ERGIC3: variants seen among roughly 807,000 people sequenced by gnomAD.
ERGIC3 encodes ERGIC and golgi 3.
In ERGIC3, 33 loss-of-function variants were observed where a neutral mutation model predicts 54.7. That is an observed-to-expected ratio of 0.60 (90% CI 0.46 to 0.81). The LOEUF is 0.81. Ranked by LOEUF, ERGIC3 falls within the 30% of genes least tolerant of loss-of-function variation. The probability of loss-of-function intolerance (pLI) is 0.00; values close to 1 mark genes in which losing one functional copy is unlikely to be tolerated. For missense variants in ERGIC3, 399 were observed against 488.4 expected, an observed-to-expected ratio of 0.82 and a Z score of 1.73; for synonymous variants, 186 against 189.8, an observed-to-expected ratio of 0.98 and a Z score of 0.16.
intron 4 of ERGIC3, chr20:35,544,481 C>T (rs2064636615): frequency 6.9e-6 from 2 of 288,068 alleles, no homozygotes; most frequent in Non-Finnish European, 1.4e-5. Context: ...CATTGCTCAG[C>T]TCCTCCTGCC....
chr20:35,543,127 C>A, intron 4 of ERGIC3, 186 bp downstream of exon 4: 1 of 669,480 alleles, frequency 1.5e-6, no homozygotes, highest in Non-Finnish European at 2.5e-6. Flanking sequence ...CTATACATAT[C>A]GAGTCAGGTA....
Position 35,542,852 on chromosome 20 carries a change from G to C in ERGIC3, c.278G>C (p.Gly93Ala). The change falls in exon 4 of 13, where the codon GGA becomes GCA. Residue 93 changes from glycine (G) to alanine (A), a missense_variant. Physicochemically the swap from Gly to Ala is moderately conservative, Grantham distance 60 (BLOSUM62 0). Transcript: ENST00000348547. ...YLSIDAMDVA[G>A]EQQLDVEHNL... Reference sequence around the variant, plus strand: ...AGTATTGATGCCATGGATGTGGCCGGAGAACAGCAGCTGGATGTGGAACAC... The same window carrying C: ...AGTATTGATGCCATGGATGTGGCCGCAGAACAGCAGCTGGATGTGGAACAC... The C allele has an allele frequency of 1.2e-6, 2 of 1,614,108 alleles. No individual in the cohort carries two copies. Among genetic ancestry groups the C allele is most frequent in the Non-Finnish European group, 1.7e-6 (2 of 1,180,014 alleles).
chr20:35,554,870 G>A (rs2064702605), intron 7 of ERGIC3, 174 bp from the exon 8 acceptor site: 4 of 774,156 alleles, frequency 5.2e-6, no homozygotes, highest in Non-Finnish European at 9.1e-6. Context: ...CTCTCACACA[G>A]GCCCAAGGCT....
chr20:35,556,099 CT>C lies in ERGIC3; in HGVS notation c.785del (p.Leu262ArgfsTer13). 4 of 1,614,178 alleles carry C rather than the reference CT, an allele frequency of 2.5e-6. No individual in the cohort carries two copies. The highest frequency in any genetic ancestry group is 3.4e-6 in the Non-Finnish European group (4 of 1,180,028). ...GEDYPGIVNPLDHTNVTAPQA... is the reference protein window; with the variant it reads ...GEDYPGIVNPXDHTNVTAPQA... The stretch of plus-strand genomic sequence containing the variant: ...GGACTATCCAGGCATTGTGAACCCC[CT>C]GGACCACACCAATGTCACTGCGCCC... On this transcript the variant is annotated frameshift_variant, in exon 9 of 13. Coordinates refer to ENST00000348547, the MANE Select transcript of ERGIC3 (RefSeq NM_015966.3). LOFTEE classifies it high-confidence loss of function.
At chr20:35,550,694 G>A (rs79252919) in intron 7 of ERGIC3, among the ~76,000 whole-genome samples, 21 of 152,142 alleles carry the variant, frequency 1.4e-4, no homozygotes, top group South Asian at 2.1e-4. Context: ...GACTCGGGCC[G>A]TTACTCTGCA....
intron 4 of ERGIC3, 23 bp downstream of exon 4, chr20:35,542,964 T>C (rs1354285999): frequency 1.2e-6 from 2 of 1,613,086 alleles, no homozygotes; most frequent in Non-Finnish European, 1.7e-6. Flanking sequence ...GGGGGCCGGG[T>C]CTCAGATCCC....
chr20:35,544,036 A>G lies in ERGIC3; in HGVS notation c.367+1095A>G, dbSNP rs1344362910. ...CTACTATCTATCTATCTATCTATCT[A>G]TCTATCTATCTATCTATCTATCTAT... On this transcript the variant is annotated intron_variant, in intron 4 of 12. Coordinates refer to ENST00000348547, the MANE Select transcript of ERGIC3 (RefSeq NM_015966.3). 4 of 219,104 alleles carry G rather than the reference A, an allele frequency of 1.8e-5. No individual in the cohort carries two copies. The South Asian group carries it at 2.1e-4, about 12-fold the overall frequency. The allele number at this position is 219,104 out of a possible 1,614,324, so 13.6% of individuals were successfully genotyped here.
chr20:35,548,903 G>A (rs368439529), intron 7 of ERGIC3, 38 bp downstream of exon 7: 1 of 1,610,990 alleles, frequency 6.2e-7, no homozygotes, highest in Non-Finnish European at 8.5e-7. Context: ...TTTAGATGCT[G>A]GCCACCTTCT....
intron 7 of ERGIC3, 114 bp downstream of exon 7, chr20:35,548,979 C>T: frequency 1.6e-6 from 2 of 1,286,474 alleles, no homozygotes; most frequent in African/African-American, 1.5e-5. Flanking sequence ...TTGGCCAGAG[C>T]AGGCCTTCAT....
At position 35,542,951 on chromosome 20, in the gene ERGIC3, G is replaced by A; in HGVS notation, c.367+10G>A. 3.1e-6 allele frequency: 5 copies of A among 1,613,636 alleles called. No individual in the cohort carries two copies. The highest frequency in any genetic ancestry group is 4.2e-6 in the Non-Finnish European group (5 of 1,179,854). On this transcript the variant is annotated intron_variant, in intron 4 of 12. Coordinates refer to ENST00000348547, the MANE Select transcript of ERGIC3 (RefSeq NM_015966.3). ...GAGGCTGAGCGGCATGGTAACCAGG[G>A]GAGGGGGCCGGGTCTCAGATCCCAA... is the stretch of plus-strand genomic sequence containing the variant.
At chr20:35,553,208 A>G (rs1166931920) in intron 7 of ERGIC3, among the ~76,000 whole-genome samples, 1 of 130,210 alleles carries the variant, frequency 7.7e-6, no homozygotes, top group South Asian at 2.4e-4. Flanking sequence ...GGGTCTTGCC[A>G]TGTTGCCCAG....
At chr20:35,546,424 T>G (rs79839431) in intron 4 of ERGIC3, among the ~76,000 whole-genome samples, 1,907 of 152,038 alleles carry the variant, frequency 0.013, 38 homozygotes, top group African/African-American at 0.042. Context: ...AGTGAAGAAA[T>G]AGGAGGGGGT....
chr20:35,542,294 C>T (rs2064617470), intron 1 of ERGIC3, 29 bp from the exon 2 acceptor site: 1 of 1,613,904 alleles, frequency 6.2e-7, no homozygotes, highest in Non-Finnish European at 8.5e-7. Flanking sequence ...GATTCGAGGC[C>T]ATTCTGACCC....
intron 7 of ERGIC3, among the ~76,000 whole-genome samples, chr20:35,552,326 A>G (rs2147308504): frequency 6.6e-6 from 1 of 152,238 alleles, no homozygotes; most frequent in Non-Finnish European, 1.5e-5. Flanking sequence ...TTGGGGGTGG[A>G]AGAGTGCGTG....
intron 7 of ERGIC3, among the ~76,000 whole-genome samples, chr20:35,550,780 G>C (rs2064677941): frequency 6.6e-6 from 1 of 152,172 alleles, no homozygotes; most frequent in Non-Finnish European, 1.5e-5. Flanking sequence ...GCTGCTCTGT[G>C]GACAAGACTG....
intron 7 of ERGIC3, chr20:35,549,406 A>T: frequency 2.8e-6 from 1 of 363,266 alleles, no homozygotes; most frequent in Non-Finnish European, 5.5e-6. Flanking sequence ...GGGTGAACAA[A>T]TGAGATTTAT....
At chr20:35,552,962 C>T (rs1398184606) in intron 7 of ERGIC3, among the ~76,000 whole-genome samples, 5 of 142,332 alleles carry the variant, frequency 3.5e-5, no homozygotes, top group African/African-American at 1.3e-4. Flanking sequence ...GGTTCCATAT[C>T]GATATCTAGG....
intron 7 of ERGIC3, among the ~76,000 whole-genome samples, chr20:35,552,720 G>T (rs950404346): frequency 3.3e-5 from 5 of 152,166 alleles, no homozygotes; most frequent in African/African-American, 9.7e-5. Flanking sequence ...AGTCACAGAA[G>T]GGGCTTTGTT....
At chr20:35,550,599 G>T (rs1000651065) in intron 7 of ERGIC3, among the ~76,000 whole-genome samples, 1 of 152,160 alleles carries the variant, frequency 6.6e-6, no homozygotes, top group African/African-American at 2.4e-5. Context: ...CTGGGTAACA[G>T]AGTGAGACTC....
Sources: gnomAD v4.1 joint callset for allele counts (sites outside exome capture counted in the v4.1 genomes callset) on GRCh38, gnomAD v4.1.1 for gene constraint, MANE v1.5 for transcripts, NCBI Gene and HGNC (gene_info 2026-07-23, HGNC 2026-07-21) for gene names.